CCDC181: variants seen among roughly 807,000 people sequenced by gnomAD.
CCDC181 encodes the protein coiled-coil domain containing 181.
A neutral mutation model predicts 58.7 loss-of-function variants in CCDC181; 35 were observed. That is an observed-to-expected ratio of 0.60 (90% CI 0.46 to 0.79). The LOEUF is 0.79. Among genes scored for constraint, CCDC181 ranks in the 30% least tolerant of loss-of-function variants. The probability of loss-of-function intolerance (pLI) is 0.00; values close to 1 mark genes in which losing one functional copy is unlikely to be tolerated. For synonymous variants in CCDC181, 183 were observed against 197.5 expected (o/e 0.93, Z 0.62); for missense variants, 517 against 583.9 (o/e 0.89, Z 1.18).
chr1:169,459,475 T>A (rs1350682458), intron 2 of CCDC181, among the ~76,000 whole-genome samples: 1 of 152,194 alleles, frequency 6.6e-6, no homozygotes, highest in Non-Finnish European at 1.5e-5. Flanking sequence ...CCATGTCTTG[T>A]TATTAAAATG....
intron 3 of CCDC181, among the ~76,000 whole-genome samples, chr1:169,420,534 A>G (rs1319329105): frequency 5.3e-5 from 8 of 151,982 alleles, no homozygotes; most frequent in Non-Finnish European, 7.4e-5. Context: ...CCAGTTTGCT[A>G]CTAACAAGTA....
chr1:169,424,730 T>C (rs1252526209), intron 2 of CCDC181, 81 bp downstream of exon 2: 5 of 768,060 alleles, frequency 6.5e-6, no homozygotes, highest in Non-Finnish European at 1.1e-5. Context: ...GATGTTTAGA[T>C]GAGATAATAA....
intron 1 of CCDC181, among the ~76,000 whole-genome samples, chr1:169,427,017 G>C (rs1656739388): frequency 6.6e-6 from 1 of 152,064 alleles, no homozygotes; most frequent in Admixed American, 6.6e-5. Context: ...CAAGAACTTT[G>C]AGAGGGGAAA....
In CCDC181 at chr1:169,412,177, A is replaced by C. The variant is rs146849989; in HGVS notation, c.1215+6836T>G. ...CCTTAAGCTGATAAGCAACTTCAGC[A>C]AAGTCTCAGGATACAAAATCAACGT... On this transcript the variant is annotated intron_variant, in intron 4 of 5. Transcript: ENST00000367806. Among the ~76,000 whole-genome samples the C allele has an allele frequency of 2.2e-3, 336 of 152,342 alleles. 6 individuals are homozygous for C. The East Asian group carries it at 0.034, about 15-fold the overall frequency.
At chr1:169,458,068 T>G (rs1657726177) in intron 2 of CCDC181, among the ~76,000 whole-genome samples, 1 of 152,276 alleles carries the variant, frequency 6.6e-6, no homozygotes, top group Admixed American at 6.5e-5. Flanking sequence ...TTATTCATTT[T>G]CATTCCTGTA....
chr1:169,406,039 T>A (rs953349402), intron 4 of CCDC181, among the ~76,000 whole-genome samples: 2 of 152,114 alleles, frequency 1.3e-5, no homozygotes, highest in African/African-American at 4.8e-5. Context: ...AACATACACA[T>A]GAAAAAAGGC....
At chr1:169,450,643 A>C (rs1657511487) in intron 2 of CCDC181, among the ~76,000 whole-genome samples, 2 of 152,112 alleles carry the variant, frequency 1.3e-5, no homozygotes, top group Admixed American at 1.3e-4. Context: ...GTGTCAACCT[A>C]TGTGTTTATT....
chr1:169,428,865 A>G (rs1656821115), upstream of CCDC181, among the ~76,000 whole-genome samples: 1 of 152,064 alleles, frequency 6.6e-6, no homozygotes, highest in Non-Finnish European at 1.5e-5. Context: ...ATGTTGCCCA[A>G]GCTGTTCTCC....
chr1:169,442,501 A>C (rs1189409321), intron 2 of CCDC181: 1 of 152,134 alleles, frequency 6.6e-6, no homozygotes, highest in Non-Finnish European at 1.5e-5. Context: ...CTAGTCCAGA[A>C]AGTAGAATGT....
At chr1:169,440,985 A>T (rs1044563439) in intron 2 of CCDC181, among the ~76,000 whole-genome samples, 3 of 149,866 alleles carry the variant, frequency 2.0e-5, no homozygotes, top group Admixed American at 6.7e-5. Context: ...TCTATTTTTT[A>T]TTGCCCATGG....
Position 169,419,121 on chromosome 1 carries a change from C to CT in CCDC181, c.1106dup (p.Arg370GlufsTer4). 1.2e-6 allele frequency: 2 copies of CT among 1,608,224 alleles called. No homozygotes were observed. The highest frequency in any genetic ancestry group is 2.2e-5 in the East Asian group (1 of 44,784). ...CTTTAAATACTATGTCATTCTCTCT[C>CT]TTTTTTTCTTTCTCTTCTTCTATTT... On this transcript the variant is annotated frameshift_variant, in exon 4 of 6. Coordinates refer to ENST00000367806, the MANE Select transcript of CCDC181 (RefSeq NM_001300969.2). LOFTEE classifies it high-confidence loss of function.
chr1:169,416,076 A>C (rs374614377), intron 4 of CCDC181, among the ~76,000 whole-genome samples: 1 of 152,222 alleles, frequency 6.6e-6, no homozygotes, highest in East Asian at 1.9e-4. Flanking sequence ...GAGAAGCTGT[A>C]AGAATCGTGT....
rs757341407 is a variant in CCDC181, at chr1:169,421,603, A to T, written c.828T>A (p.Ile276=). The T allele has an allele frequency of 5.0e-6, 8 of 1,614,070 alleles. No homozygotes were observed. The Admixed American group carries it at 8.3e-5, about 17-fold the overall frequency. The stretch of plus-strand genomic sequence containing the variant: ...CTGTTGATGAGTGAGTGACAGCATG[A>T]ATCTTTGCTGTAGAATCTTCTTTCT... ...GTKKEDSTAK[I]HAVTHSSTGE... The change falls in exon 3 of 6, where the codon ATT becomes ATA. Residue 276 remains isoleucine, a synonymous_variant. Coordinates refer to ENST00000367806, the MANE Select transcript of CCDC181 (RefSeq NM_001300969.2).
intron 2 of CCDC181, among the ~76,000 whole-genome samples, chr1:169,424,366 G>A (rs762285302): frequency 6.6e-6 from 1 of 151,774 alleles, no homozygotes; most frequent in Non-Finnish European, 1.5e-5. Context: ...AGCTAATTCA[G>A]TCTTAAAGTT....
intron 4 of CCDC181, among the ~76,000 whole-genome samples, chr1:169,401,446 G>A (rs1252518440): frequency 1.3e-5 from 2 of 152,182 alleles, no homozygotes; most frequent in South Asian, 2.1e-4. Context: ...CCTCTGAGAC[G>A]AAGCTTCCAG....
At chr1:169,410,356 T>C (rs966052644) in intron 4 of CCDC181, among the ~76,000 whole-genome samples, 3 of 152,064 alleles carry the variant, frequency 2.0e-5, no homozygotes, top group South Asian at 4.1e-4. Flanking sequence ...CCTAAATATA[T>C]ATGCACCCAA....
At chr1:169,440,864 G>A (rs1657203525) in intron 2 of CCDC181, among the ~76,000 whole-genome samples, 2 of 143,250 alleles carry the variant, frequency 1.4e-5, no homozygotes, top group South Asian at 4.3e-4. Context: ...AACCCAGGAG[G>A]CAGGAGGCTA....
At chr1:169,400,055 G>T (rs1655252493) in intron 4 of CCDC181, among the ~76,000 whole-genome samples, 1 of 151,714 alleles carries the variant, frequency 6.6e-6, no homozygotes, top group Non-Finnish European at 1.5e-5. Flanking sequence ...CATGTGTAGA[G>T]TGAGGCTCTG....
chr1:169,418,968 C>G (rs371598958), intron 4 of CCDC181, 45 bp downstream of exon 4: 38 of 1,485,832 alleles, frequency 2.6e-5, no homozygotes, highest in Non-Finnish European at 3.5e-5. Flanking sequence ...ATAAGTTCAG[C>G]TTTCATATCT....
Sources: allele counts gnomAD v4.1 joint callset (sites outside exome capture counted in the v4.1 genomes callset), GRCh38; gene constraint gnomAD v4.1.1; transcripts MANE v1.5; gene names NCBI Gene and HGNC (gene_info 2026-07-23, HGNC 2026-07-21).